ADAM12: variants seen among roughly 807,000 people sequenced by gnomAD.
The protein encoded by ADAM12 is ADAM metallopeptidase domain 12.
In ADAM12, 70 loss-of-function variants were observed where a neutral mutation model predicts 106.4. The observed-to-expected ratio is 0.66, with a 90% CI of 0.54 to 0.80. The LOEUF is 0.80. Among genes scored for constraint, ADAM12 ranks in the 30% least tolerant of loss-of-function variants. The pLI, the probability that ADAM12 is intolerant of heterozygous loss-of-function variation, is 0.00. For synonymous variants in ADAM12, 420 were observed against 433.5 expected (o/e 0.97, Z 0.39); for missense variants, 1,010 against 1,171.9 (o/e 0.86, Z 2.02).
At chr10:126,272,856 C>T (rs1198121282) in intron 3 of ADAM12, 3 of 403,932 alleles carry the variant, frequency 7.4e-6, no homozygotes, top group African/African-American at 4.2e-5. Flanking sequence ...ATGGCTTCTA[C>T]AGTGTGCTCC....
chr10:126,290,120 G>A (rs1960080140), intron 2 of ADAM12, among the ~76,000 whole-genome samples: 1 of 152,278 alleles, frequency 6.6e-6, no homozygotes, highest in South Asian at 2.1e-4. Flanking sequence ...TTACTCTGAA[G>A]GTGCCAGAAG....
chr10:126,305,677 A>G (rs535539767), intron 2 of ADAM12, among the ~76,000 whole-genome samples: 2 of 152,152 alleles, frequency 1.3e-5, no homozygotes, highest in South Asian at 4.1e-4. Flanking sequence ...CCACTGTGAT[A>G]TGGTTTTCTC....
chr10:126,117,043 T>C (rs1374144887), intron 6 of ADAM12, among the ~76,000 whole-genome samples: 1 of 152,194 alleles, frequency 6.6e-6, no homozygotes, highest in African/African-American at 2.4e-5. Context: ...AGCGACATCC[T>C]ATCTATAAAT....
chr10:126,261,449 T>C (rs1211455539), intron 3 of ADAM12, among the ~76,000 whole-genome samples: 1 of 152,232 alleles, frequency 6.6e-6, no homozygotes. Context: ...AAGAGCAGTA[T>C]ATTATCTAAT....
chr10:126,240,307 C>A (rs1158983550), intron 3 of ADAM12, among the ~76,000 whole-genome samples: 1 of 152,216 alleles, frequency 6.6e-6, no homozygotes, highest in Non-Finnish European at 1.5e-5. Flanking sequence ...GTGGCACAGG[C>A]GATGCTCTGG....
At chr10:126,121,439 C>T (rs1182965341) in intron 5 of ADAM12, among the ~76,000 whole-genome samples, 1 of 122,538 alleles carries the variant, frequency 8.2e-6, no homozygotes, top group African/African-American at 3.3e-5. Flanking sequence ...TTATATATTG[C>T]ATATTATATA....
At chr10:126,041,612 G>A in intron 18 of ADAM12, 1 of 986,612 alleles carries the variant, frequency 1.0e-6, no homozygotes. Flanking sequence ...TGGAATGGGT[G>A]GCAGGGTCTC....
chr10:126,344,015 C>T (rs1220401626), intron 1 of ADAM12, among the ~76,000 whole-genome samples: 8 of 152,176 alleles, frequency 5.3e-5, no homozygotes, highest in Non-Finnish European at 1.0e-4. Flanking sequence ...TGCAGAAGCT[C>T]TTTAGTTTAA....
In ADAM12 at chr10:126,289,122, GGACCATGTGGTGACTTGGTGC is replaced by G. The variant is rs1465215720; in HGVS notation, c.187-10155_187-10135del. On this transcript the variant is annotated intron_variant, in intron 2 of 22. Coordinates refer to ENST00000448723, the MANE Select transcript of ADAM12 (RefSeq NM_001288973.2). ...GTGGTGACACAATGGCTTGGGGACAGGACCATGTGGTGACTTGGTGCCTGGGGGCTGGATAGTGTGTTGACA... is the reference window on the plus strand; with the variant it reads ...GTGGTGACACAATGGCTTGGGGACAGCTGGGGGCTGGATAGTGTGTTGACA... Among the ~76,000 whole-genome samples, 15 of 152,340 alleles carry G rather than the reference GGACCATGTGGTGACTTGGTGC, an allele frequency of 9.8e-5. No homozygotes were observed. The East Asian group carries it at 2.7e-3, about 27-fold the overall frequency.
chr10:126,375,838 T>C (rs1007872597), intron 1 of ADAM12, among the ~76,000 whole-genome samples: 2 of 151,430 alleles, frequency 1.3e-5, no homozygotes, highest in African/African-American at 4.9e-5. Flanking sequence ...CTCGACCTCC[T>C]GGGCTCAAGC....
intron 3 of ADAM12, among the ~76,000 whole-genome samples, chr10:126,206,884 T>C (rs1052559698): frequency 7.3e-6 from 1 of 136,458 alleles, no homozygotes; most frequent in Non-Finnish European, 1.6e-5. Context: ...TGGGAGGTAA[T>C]TGAATCATGG....
Position 126,109,809 on chromosome 10 carries a change from T to A in ADAM12, c.635A>T (p.Tyr212Phe), listed in dbSNP as rs1177599588. The change falls in exon 7 of 23, where the codon TAT becomes TTT. Residue 212 changes from tyrosine to phenylalanine, a missense_variant. Physicochemically the swap from Tyr to Phe is conservative, Grantham distance 22 (BLOSUM62 3). Transcript: ENST00000448723. ...HKRETLKATK[Y>F]VELVIVADNR... ...GTCTGCCACGATCACCAGCTCCACA[T>A]ACTTAGTTGCCTTGAGGGTCTCTCT... 5 of 1,613,320 alleles carry A rather than the reference T, an allele frequency of 3.1e-6. No homozygotes were observed.
chr10:126,033,859 A>G (rs1048539782), intron 21 of ADAM12, among the ~76,000 whole-genome samples: 13 of 152,260 alleles, frequency 8.5e-5, no homozygotes, highest in Non-Finnish European at 1.8e-4. Flanking sequence ...GCAGAATTCT[A>G]TATCCAGCAA....
rs76693197 is a variant in ADAM12, at chr10:126,147,124, G to A, written c.339+8103C>T. Among the ~76,000 whole-genome samples, 729 of 152,342 alleles carry A rather than the reference G, an allele frequency of 4.8e-3. 2 individuals carry two copies. The highest frequency in any genetic ancestry group is 0.017 in the Middle Eastern group (5 of 294). ...ATCCTTACCTGATGGTCCAGCCTCA[G>A]TTCATCTCAGCTGGTCTCCTTTGAA... On this transcript the variant is annotated intron_variant, in intron 4 of 22. Transcript: ENST00000448723.
At chr10:126,078,618 A>AT (rs1485050062) in intron 11 of ADAM12, among the ~76,000 whole-genome samples, 1 of 152,068 alleles carries the variant, frequency 6.6e-6, no homozygotes, top group Non-Finnish European at 1.5e-5. Flanking sequence ...AAAATATATA[A>AT]TTTTTTTGGC....
intron 3 of ADAM12, among the ~76,000 whole-genome samples, chr10:126,157,239 C>A (rs1956836252): frequency 6.6e-6 from 1 of 152,222 alleles, no homozygotes; most frequent in Non-Finnish European, 1.5e-5. Flanking sequence ...AAAGCTGTCA[C>A]CCTCAGGCAG....
intron 14 of ADAM12, among the ~76,000 whole-genome samples, chr10:126,061,444 C>T (rs963079062): frequency 7.9e-5 from 12 of 152,298 alleles, no homozygotes; most frequent in African/African-American, 2.9e-4. Flanking sequence ...CTGTGGCTCC[C>T]CTAAAAGGCC....
At chr10:126,152,681 T>C (rs907934014) in intron 4 of ADAM12, among the ~76,000 whole-genome samples, 1 of 152,084 alleles carries the variant, frequency 6.6e-6, no homozygotes. Flanking sequence ...AAAAATGATG[T>C]AGCTGGATTT....
chr10:126,387,085 T>C (rs2133944560), intron 1 of ADAM12, among the ~76,000 whole-genome samples: 1 of 152,162 alleles, frequency 6.6e-6, no homozygotes, highest in East Asian at 1.9e-4. Context: ...AGGCCAGTTG[T>C]TGAAAAATAA....
Sources: allele counts gnomAD v4.1 joint callset (sites outside exome capture counted in the v4.1 genomes callset), GRCh38; gene constraint gnomAD v4.1.1; transcripts MANE v1.5; gene names NCBI Gene and HGNC (gene_info 2026-07-23, HGNC 2026-07-21).